Variants in FARP2 observed in about 807,000 individuals in gnomAD.
FARP2 encodes FERM, ARHGEF and pleckstrin domain-containing protein 2.
A neutral mutation model predicts 130.5 loss-of-function variants in FARP2; 111 were observed. The ratio of observed to expected loss-of-function variants is 0.85; its 90% CI spans 0.73 to 1.00. The LOEUF is 1.00. Among genes scored for constraint, FARP2 ranks in the 50% least tolerant of loss-of-function variants. The pLI, the probability that FARP2 is intolerant of heterozygous loss-of-function variation, is 0.00. For missense variants in FARP2, 1,385 were observed against 1,346.3 expected (o/e 1.03, Z -0.45); for synonymous variants, 504 against 516.9 (o/e 0.98, Z 0.34).
chr2:241,416,133 T>G (rs2062663426), intron 7 of FARP2, among the ~76,000 whole-genome samples: 1 of 152,028 alleles, frequency 6.6e-6, no homozygotes, highest in Admixed American at 6.6e-5. Context: ...GTGTGGCTCA[T>G]ATGTTCATGT....
intron 8 of FARP2, among the ~76,000 whole-genome samples, chr2:241,421,225 A>C (rs2062799479): frequency 6.6e-6 from 1 of 152,170 alleles, no homozygotes; most frequent in Non-Finnish European, 1.5e-5. Context: ...GGTCCAATAC[A>C]CAGAGTTGTG....
chr2:241,405,095 A>G (rs1289843306), intron 4 of FARP2, among the ~76,000 whole-genome samples: 1 of 152,218 alleles, frequency 6.6e-6, no homozygotes, highest in Non-Finnish European at 1.5e-5. Flanking sequence ...TTTTTGGCCA[A>G]TATGCAAAAA....
chr2:241,457,015 C>CGGGGCA, intron 14 of FARP2, 93 bp downstream of exon 14: 1 of 1,214,206 alleles, frequency 8.2e-7, no homozygotes, highest in Non-Finnish European at 1.1e-6. Context: ...GACCCTGGGG[C>CGGGGCA]GGGGCAGGGA....
chr2:241,474,919 G>A (rs1341721182), intron 18 of FARP2, among the ~76,000 whole-genome samples: 3 of 152,188 alleles, frequency 2.0e-5, no homozygotes, highest in African/African-American at 7.2e-5. Context: ...CATCATCAGA[G>A]TTGGGAGCAG....
chr2:241,441,334 C>G lies in FARP2; in HGVS notation c.1189C>G (p.Pro397Ala). 4.3e-6 allele frequency: 7 copies of G among 1,610,618 alleles called. No homozygotes were observed. In the Admixed American group the frequency reaches 8.4e-5, roughly 19 times the overall value. Residue 397 changes from proline to alanine, a missense_variant, in exon 13 of 27, where the codon CCT becomes GCT. Transcript: ENST00000264042. ...SISFPEGLRTPASPSSANAFY... is the reference protein window; with the variant it reads ...SISFPEGLRTAASPSSANAFY... ...CTCATTCCCCGAGGGATTGAGGACT[C>G]CTGCCTCCCCATCTTCAGCGAATGC...
intron 6 of FARP2, among the ~76,000 whole-genome samples, chr2:241,411,413 C>G (rs1450610094): frequency 1.3e-5 from 2 of 152,224 alleles, no homozygotes; most frequent in Non-Finnish European, 2.9e-5. Flanking sequence ...GTGCATTTTA[C>G]CAGCAATGCA....
At position 241,441,338 on chromosome 2, in the gene FARP2, C is replaced by T. The variant is rs748475863; in HGVS notation, c.1193C>T (p.Ala398Val). The change falls in exon 13 of 27, where the codon GCC becomes GTC. Residue 398 changes from alanine to valine, a missense_variant. Transcript: ENST00000264042. ...ISFPEGLRTPASPSSANAFYS... is the reference protein window; with the variant it reads ...ISFPEGLRTPVSPSSANAFYS... ...TTCCCCGAGGGATTGAGGACTCCTG[C>T]CTCCCCATCTTCAGCGAATGCCTTT... is the stretch of plus-strand genomic sequence containing the variant. 6.2e-7 allele frequency: 1 copy of T among 1,610,980 alleles called. No individual in the cohort carries two copies. Among genetic ancestry groups the T allele is most frequent in the East Asian group, 2.2e-5 (1 of 44,768 alleles).
In FARP2 at chr2:241,370,077, C is replaced by T. The variant is rs138811002; in HGVS notation, c.-24-3007C>T. On this transcript the variant is annotated intron_variant, in intron 1 of 26. Coordinates refer to ENST00000264042, the MANE Select transcript of FARP2 (RefSeq NM_014808.4). ...ATTAAGAAGGATTAATTAATGGGTA[C>T]AAAAATGCAGTAAGAAGAAATAAGA... is the stretch of plus-strand genomic sequence containing the variant. 8.1e-3 allele frequency among the ~76,000 whole-genome samples: 1,230 copies of T among 152,050 alleles called. 7 individuals carry two copies. The highest frequency in any genetic ancestry group is 0.012 in the Non-Finnish European group (827 of 67,984).
chr2:241,480,954 C>T (rs190127693), intron 19 of FARP2, among the ~76,000 whole-genome samples: 1 of 150,144 alleles, frequency 6.7e-6, no homozygotes, highest in African/African-American at 2.5e-5. Flanking sequence ...CATAGTGGCT[C>T]AAGCCTATAG....
intron 8 of FARP2, among the ~76,000 whole-genome samples, chr2:241,422,260 C>CAAAAAAAAAAAAA (rs1198628886): frequency 6.5e-5 from 6 of 91,978 alleles, no homozygotes; most frequent in Non-Finnish European, 1.1e-4. Context: ...ACTAAAAATA[C>CAAAAAAAAAAAAA]AAAAAAAAAA....
intron 14 of FARP2, among the ~76,000 whole-genome samples, chr2:241,457,257 C>G (rs1380372810): frequency 6.6e-6 from 1 of 152,206 alleles, no homozygotes; most frequent in Non-Finnish European, 1.5e-5. Context: ...TTCCTTCCCA[C>G]CTTCCTCATT....
At chr2:241,383,063 A>C (rs1337288815) in intron 2 of FARP2, among the ~76,000 whole-genome samples, 1 of 152,222 alleles carries the variant, frequency 6.6e-6, no homozygotes, top group Non-Finnish European at 1.5e-5. Flanking sequence ...AAATTACGGA[A>C]AGCCACACAG....
intron 17 of FARP2, among the ~76,000 whole-genome samples, chr2:241,464,468 A>C (rs1312445520): frequency 6.6e-6 from 1 of 150,836 alleles, no homozygotes; most frequent in East Asian, 2.0e-4. Context: ...CCCCCTCAGA[A>C]AAGGATTTTC....
chr2:241,492,768 GACTT>G (rs752244957), intron 24 of FARP2, 157 bp from the exon 25 acceptor site: 1 of 566,222 alleles, frequency 1.8e-6, no homozygotes, highest in East Asian at 2.8e-5. Context: ...GCTTCTGTTG[GACTT>G]AAGTACTGAT....
chr2:241,493,285 T>C lies in FARP2; in HGVS notation c.2896-8T>C. The C allele has an allele frequency of 6.2e-7, 1 of 1,613,474 alleles. No individual in the cohort carries two copies. Among genetic ancestry groups the C allele is most frequent in the Non-Finnish European group, 8.5e-7 (1 of 1,179,880 alleles). On this transcript the variant is annotated splice_polypyrimidine_tract_variant and splice_region_variant and intron_variant, in intron 25 of 26. Transcript: ENST00000264042. Reference sequence around the variant, plus strand: ...CCCTGGAACCCGTGTCCCTATGCTGTCTTGCAGGATGACTACCCACTGGCC... The same window carrying C: ...CCCTGGAACCCGTGTCCCTATGCTGCCTTGCAGGATGACTACCCACTGGCC...
chr2:241,413,567 AGAGGC>A, intron 7 of FARP2, 146 bp downstream of exon 7: 2 of 633,438 alleles, frequency 3.2e-6, no homozygotes, highest in Non-Finnish European at 5.5e-6. Context: ...AGCTGCTGCC[AGAGGC>A]AGCTTGGCAG....
chr2:241,450,405 C>T (rs1437864828), intron 13 of FARP2, among the ~76,000 whole-genome samples: 8 of 151,760 alleles, frequency 5.3e-5, no homozygotes, highest in African/African-American at 1.7e-4. Context: ...CGGTGGCTCA[C>T]GCCTGTAGTC....
chr2:241,460,447 C>CT (rs34619844), intron 14 of FARP2, among the ~76,000 whole-genome samples: 28,808 of 145,750 alleles, frequency 0.2, 2,933 homozygotes, highest in Middle Eastern at 0.25. Context: ...CTTGGCTAAC[C>CT]TTTTTTTTTT....
intron 1 of FARP2, among the ~76,000 whole-genome samples, chr2:241,364,173 C>G (rs1468578472): frequency 6.6e-6 from 1 of 152,158 alleles, no homozygotes; most frequent in East Asian, 1.9e-4. Context: ...CAGCTGGTAG[C>G]AGATGGGGAA....
Sources: allele counts gnomAD v4.1 joint callset (sites outside exome capture counted in the v4.1 genomes callset), GRCh38; gene constraint gnomAD v4.1.1; transcripts MANE v1.5; gene names NCBI Gene and HGNC (gene_info 2026-07-23, HGNC 2026-07-21).